The following SH3GL1 variants were observed in gnomAD, a reference collection of about 807,000 sequenced individuals.
SH3GL1 encodes endophilin-A2.
A neutral mutation model predicts 48.8 loss-of-function variants in SH3GL1; 21 were observed. That is an observed-to-expected ratio of 0.43 (90% confidence interval 0.30 to 0.62). The LOEUF (loss-of-function observed/expected upper bound fraction) is 0.62, where lower values mean the gene tolerates loss of function less well. SH3GL1 is among the 20% of genes least tolerant of loss of function. The pLI is 0.11. For missense variants in SH3GL1, 454 were observed against 503.0 expected, an observed-to-expected ratio of 0.90 and a Z score of 0.93; for synonymous variants, 282 against 217.5, an observed-to-expected ratio of 1.30 and a Z score of -2.61.
At chr19:4,399,416 G>A (rs1364852125) in intron 1 of SH3GL1, among the ~76,000 whole-genome samples, 1 of 150,732 alleles carries the variant, frequency 6.6e-6, no homozygotes, top group Non-Finnish European at 1.5e-5. Context: ...GGAAAGAAGA[G>A]AAGGGAGGGA....
At chr19:4,392,556 ACACACACACACAC>A (rs1973356623) in intron 1 of SH3GL1, among the ~76,000 whole-genome samples, 2 of 106,910 alleles carry the variant, frequency 1.9e-5, no homozygotes, top group African/African-American at 7.1e-5. Context: ...ACACACACAC[ACACACACACACAC>A]AAAAGATCAT....
At chr19:4,393,320 A>C (rs2092078578) in intron 1 of SH3GL1, among the ~76,000 whole-genome samples, 1 of 151,984 alleles carries the variant, frequency 6.6e-6, no homozygotes, top group African/African-American at 2.4e-5. Context: ...CATCATAAAT[A>C]AACTAAAAAA....
intron 3 of SH3GL1, among the ~76,000 whole-genome samples, chr19:4,366,200 G>A (rs770324740): frequency 3.3e-5 from 5 of 152,222 alleles, no homozygotes; most frequent in African/African-American, 1.2e-4. Flanking sequence ...AATACAAATG[G>A]ATCCCACAAG....
At chr19:4,385,921 G>A (rs762842718) in intron 1 of SH3GL1, among the ~76,000 whole-genome samples, 12 of 152,176 alleles carry the variant, frequency 7.9e-5, no homozygotes, top group Non-Finnish European at 1.6e-4. Context: ...TGGGTGGAAC[G>A]CTGACTTGAC....
chr19:4,389,516 AG>A lies in SH3GL1; in HGVS notation c.45+10807del, dbSNP rs1298266084. On this transcript the variant is annotated intron_variant, in intron 1 of 9. Coordinates refer to ENST00000269886, the MANE Select transcript of SH3GL1 (RefSeq NM_003025.4). The surrounding 1 kb of genome is among the most constrained non-coding windows in gnomAD (Gnocchi z 4.5). ...GGACTGACTGTGTGAGTTCCCATGC[AG>A]GGGAAGAGTAGCATTTAAACCTGGG... Among the ~76,000 whole-genome samples, 3 of 152,178 alleles carry A rather than the reference AG, an allele frequency of 2.0e-5. No individual in the cohort carries two copies. The East Asian group carries it at 5.8e-4, about 29-fold the overall frequency.
At chr19:4,364,055 G>A (rs755892600) in intron 5 of SH3GL1, 33 bp downstream of exon 5, 11 of 1,611,538 alleles carry the variant, frequency 6.8e-6, no homozygotes, top group Non-Finnish European at 9.3e-6. Context: ...GCAGGGGGAA[G>A]GGACAGGCCC....
In SH3GL1 at chr19:4,360,984, C is replaced by G. The variant is rs1188426883; in HGVS notation, c.*616G>C. 4.3e-6 allele frequency: 1 copy of G among 233,872 alleles called. No individual in the cohort carries two copies. Among genetic ancestry groups the G allele is most frequent in the East Asian group, 6.0e-5 (1 of 16,584 alleles). The allele number at this position is 233,872 out of a possible 1,614,324, so 14.5% of individuals were successfully genotyped here. ...GGCAGATCCCAGCTGGCCTCTGTCCCCGGGCTGCAAGCTGACAGCAGGCCC... is the reference window on the plus strand; with the variant it reads ...GGCAGATCCCAGCTGGCCTCTGTCCGCGGGCTGCAAGCTGACAGCAGGCCC... On this transcript the variant is annotated 3_prime_UTR_variant, in exon 10 of 10. Transcript: ENST00000269886.
intron 1 of SH3GL1, among the ~76,000 whole-genome samples, chr19:4,397,998 C>G (rs1973454709): frequency 6.6e-6 from 1 of 152,198 alleles, no homozygotes; most frequent in African/African-American, 2.4e-5. Context: ...AGGTGCACAT[C>G]ACCACACCTG....
rs71166991 is a variant in SH3GL1 at position 4,381,689 on chromosome 19, C to CT, written c.46-14696dup. 4.9e-3 allele frequency among the ~76,000 whole-genome samples: 171 copies of CT among 35,188 alleles called. 5 individuals carry two copies. The highest frequency in any genetic ancestry group is 6.4e-3 in the African/African-American group (65 of 10,192). 23.1% of individuals were successfully genotyped at this position (35,188 alleles called of 152,430 possible). A position where few individuals can be genotyped will look rare whatever the true frequency, so the allele number is the denominator to read the frequency against. Reference sequence around the variant, plus strand: ...CGCCTCTCTGTCACCCCCCACACGCCTTTTTTTTTTTTTTTTTTTTTTGAG... The same window carrying CT: ...CGCCTCTCTGTCACCCCCCACACGCCTTTTTTTTTTTTTTTTTTTTTTTGAG... On this transcript the variant is annotated intron_variant, in intron 1 of 9. Coordinates refer to ENST00000269886, the MANE Select transcript of SH3GL1 (RefSeq NM_003025.4).
chr19:4,360,402 AAAATTCAGGCGTACATTTC>A lies in SH3GL1; in HGVS notation c.*1179_*1197del. 4.0e-6 allele frequency: 1 copy of A among 249,092 alleles called. No homozygotes were observed. The highest frequency in any genetic ancestry group is 7.8e-6 in the Non-Finnish European group (1 of 127,594). 15.4% of individuals were successfully genotyped at this position (249,092 alleles called of 1,614,324 possible). On this transcript the variant is annotated 3_prime_UTR_variant, in exon 10 of 10. Transcript: ENST00000269886. ...AGAGACATTTAATACTTCTGTTTACAAAATTCAGGCGTACATTTCAGTTTGCCCTGGACCGTGCCCAAAG... is the reference window on the plus strand; with the variant it reads ...AGAGACATTTAATACTTCTGTTTACAAGTTTGCCCTGGACCGTGCCCAAAG...
intron 1 of SH3GL1, among the ~76,000 whole-genome samples, chr19:4,384,366 T>TA (rs927506676): frequency 2.6e-5 from 4 of 152,192 alleles, no homozygotes; most frequent in Non-Finnish European, 2.9e-5. Flanking sequence ...AGGGTTGAAA[T>TA]AACACACTTT....
chr19:4,362,604 C>A lies in SH3GL1; in HGVS notation c.853+8G>T, dbSNP rs1972651858. 1 of 1,613,286 alleles carries A rather than the reference C, an allele frequency of 6.2e-7. No individual in the cohort carries two copies. Among genetic ancestry groups the A allele is most frequent in the Non-Finnish European group, 8.5e-7 (1 of 1,179,952 alleles). On this transcript the variant is annotated splice_region_variant and intron_variant, in intron 8 of 9. Transcript: ENST00000269886. ...TTGCCTCCGCAAGAGGGCTCCATGC[C>A]CCATTACCTGCGATCTTGGGGGCTG...
At chr19:4,368,201 C>A (rs1374246907) in intron 1 of SH3GL1, among the ~76,000 whole-genome samples, 2 of 152,344 alleles carry the variant, frequency 1.3e-5, no homozygotes, top group East Asian at 1.9e-4. Flanking sequence ...GCTTGCCTGC[C>A]CCGAGCTGTC....
rs1973507030 is a variant in SH3GL1, at chr19:4,400,543, A to G, written c.-175T>C. Reference sequence around the variant, plus strand: ...CCGCTCGCGCGCCCGCGCGGCCAGGATATTACATGGCAACCGCACGCTTCC... The same window carrying G: ...CCGCTCGCGCGCCCGCGCGGCCAGGGTATTACATGGCAACCGCACGCTTCC... On this transcript the variant is annotated 5_prime_UTR_variant, in exon 1 of 10. Transcript: ENST00000269886. This position sits in a 1 kb window ranked among gnomAD's most constrained non-coding sequence, Gnocchi z 4.1. 3.1e-6 allele frequency: 1 copy of G among 318,308 alleles called. No individual in the cohort carries two copies. Among genetic ancestry groups the G allele is most frequent in the Admixed American group, 6.5e-5 (1 of 15,464 alleles). 19.7% of individuals were successfully genotyped at this position (318,308 alleles called of 1,614,324 possible).
chr19:4,363,680 G>A (rs750109558), intron 6 of SH3GL1, 40 bp downstream of exon 6: 118 of 1,610,680 alleles, frequency 7.3e-5, no homozygotes, highest in Non-Finnish European at 9.7e-5. Context: ...CCTCCCAAGG[G>A]CATAGGTCTT....
Position 4,361,030 on chromosome 19 carries a change from G to GC in SH3GL1, c.*569dup, listed in dbSNP as rs954295493. 1.5e-4 allele frequency: 35 copies of GC among 234,982 alleles called. No homozygotes were observed. The Admixed American group carries it at 1.5e-3, about 10-fold the overall frequency. The allele number at this position is 234,982 out of a possible 1,614,324, so 14.6% of individuals were successfully genotyped here. ...GGCCCGGGAGGCGGTGAGGCCCTCT[G>GC]CCCTGGCCTTGAGGAGAAGGAGTGC... is the stretch of plus-strand genomic sequence containing the variant. On this transcript the variant is annotated 3_prime_UTR_variant, in exon 10 of 10. Transcript: ENST00000269886.
chr19:4,369,806 C>A (rs969795467), intron 1 of SH3GL1, among the ~76,000 whole-genome samples: 23 of 152,386 alleles, frequency 1.5e-4, no homozygotes, highest in African/African-American at 5.0e-4. Context: ...CTTGTGGTGA[C>A]TGATGGTCCC....
chr19:4,366,540 C>T lies in SH3GL1; in HGVS notation c.148G>A (p.Val50Met). 1 of 1,612,226 alleles carries T rather than the reference C, an allele frequency of 6.2e-7. No individual in the cohort carries two copies. The highest frequency in any genetic ancestry group is 8.5e-7 in the Non-Finnish European group (1 of 1,179,664). The change falls in exon 3 of 10, where the codon GTG becomes ATG. Residue 50 changes from valine (V) to methionine (M), a missense_variant. Transcript: ENST00000269886. The part of the protein sequence containing the change: ...VDVTSKAVTE[V>M]LARTIEYLQP... ...AGGTACTCGATGGTCCTGGCCAGCA[C>T]TTCTGTCACCGCCTTGCTGGTGACA...
Position 4,363,893 on chromosome 19 carries a change from G to A in SH3GL1, c.466-15C>T. The A allele has an allele frequency of 3.7e-6, 6 of 1,611,826 alleles. No individual in the cohort carries two copies. The highest frequency in any genetic ancestry group is 5.1e-6 in the Non-Finnish European group (6 of 1,180,034). On this transcript the variant is annotated splice_polypyrimidine_tract_variant and intron_variant, in intron 5 of 9. Coordinates refer to ENST00000269886, the MANE Select transcript of SH3GL1 (RefSeq NM_003025.4). ...TTCAGGTGGTGCTGGAGACGTGGGG[G>A]ACATGGGTCACACCAGTAGCGGCCA...
Sources: allele counts gnomAD v4.1 joint callset (sites outside exome capture counted in the v4.1 genomes callset), GRCh38; gene constraint gnomAD v4.1.1; non-coding constraint Gnocchi (gnomAD v3.1); transcripts MANE v1.5; gene names NCBI Gene and HGNC (gene_info 2026-07-23, HGNC 2026-07-21).